Variants in PTPRN2 observed in about 807,000 individuals in gnomAD.
PTPRN2 encodes the protein receptor-type tyrosine-protein phosphatase N2.
In PTPRN2, 74 loss-of-function variants were observed where a neutral mutation model predicts 118.8. That is an observed-to-expected ratio of 0.62 (90% CI 0.52 to 0.76). PTPRN2 has a LOEUF of 0.76. Ranked by LOEUF, PTPRN2 falls within the 30% of genes least tolerant of loss-of-function variation. The pLI, the probability that PTPRN2 is intolerant of heterozygous loss-of-function variation, is 0.00. For missense variants in PTPRN2, 1,481 were observed against 1,394.4 expected (o/e 1.06, Z -0.99); for synonymous variants, 641 against 608.0 (o/e 1.05, Z -0.80).
chr7:157,996,505 C>G (rs1389173149), intron 11 of PTPRN2, among the ~76,000 whole-genome samples: 3 of 152,230 alleles, frequency 2.0e-5, no homozygotes, highest in Non-Finnish European at 4.4e-5. Flanking sequence ...GCTTTGGTCT[C>G]TCACACGGCT....
rs539654366 is a variant in PTPRN2, at chr7:158,003,247, T to C, written c.1723+78051A>G. On this transcript the variant is annotated intron_variant, in intron 11 of 22. Transcript: ENST00000389418. This position sits in a 1 kb window ranked among gnomAD's most constrained non-coding sequence, Gnocchi z 5.0. ...GGCTAACACGGTGAAACCCCGTTTC[T>C]ACTAAAAATACAAAAAATTAGCCGG... Among the ~76,000 whole-genome samples the C allele has an allele frequency of 2.0e-3, 299 of 151,672 alleles. No individual in the cohort carries two copies. Among genetic ancestry groups the C allele is most frequent in the Non-Finnish European group, 3.4e-3 (228 of 67,882 alleles).
Position 157,895,987 on chromosome 7 carries a change from G to A in PTPRN2, c.1788+2686C>T, listed in dbSNP as rs539276692. ...GGGGTAGCTCTGCAGAGTCAAGAAG[G>A]GGCCTGAGTGAAAGGGAGCACCAAG... is the stretch of plus-strand genomic sequence containing the variant. On this transcript the variant is annotated intron_variant, in intron 12 of 22. Transcript: ENST00000389418. 2.0e-5 allele frequency among the ~76,000 whole-genome samples: 3 copies of A among 152,184 alleles called. No homozygotes were observed. The East Asian group carries it at 5.8e-4, about 30-fold the overall frequency.
At chr7:158,071,451 G>GTGGTGGAGGTGCTCA (rs1811620898) in intron 11 of PTPRN2, among the ~76,000 whole-genome samples, 2 of 47,460 alleles carry the variant, frequency 4.2e-5, no homozygotes, top group East Asian at 6.3e-4. Context: ...GGAGGTGCTC[G>GTGGTGGAGGTGCTCA]TGGTTGAGGT....
At chr7:157,593,574 T>G (rs1801120360) in intron 17 of PTPRN2, among the ~76,000 whole-genome samples, 2 of 152,220 alleles carry the variant, frequency 1.3e-5, no homozygotes, top group South Asian at 2.1e-4. Context: ...CTGCCCGCCC[T>G]CCAATTCTGA....
intron 2 of PTPRN2, among the ~76,000 whole-genome samples, chr7:158,319,527 T>TCACACACACACCCTCCCTCA (rs137902491): frequency 2.9e-5 from 1 of 34,966 alleles, no homozygotes; most frequent in African/African-American, 1.3e-4. Flanking sequence ...ACAGCCTCCC[T>TCACACACACACCCTCCCTCA]CACACACACA....
chr7:157,559,028 C>G (rs991030178), intron 21 of PTPRN2, among the ~76,000 whole-genome samples: 1 of 152,242 alleles, frequency 6.6e-6, no homozygotes, highest in Admixed American at 6.5e-5. Flanking sequence ...TGACACTGCA[C>G]GGGATCGCTG....
intron 12 of PTPRN2, among the ~76,000 whole-genome samples, chr7:157,798,960 G>GA (rs1204813425): frequency 6.6e-6 from 1 of 152,182 alleles, no homozygotes; most frequent in Admixed American, 6.5e-5. Context: ...AGCAGGAGAG[G>GA]AGACCCCCGT....
chr7:158,324,147 A>T (rs1257821086), intron 2 of PTPRN2, among the ~76,000 whole-genome samples: 1 of 152,130 alleles, frequency 6.6e-6, no homozygotes, highest in East Asian at 1.9e-4. Flanking sequence ...CCACACGCGT[A>T]CGCTCACACA....
chr7:158,379,844 C>T (rs1041262456), intron 2 of PTPRN2, among the ~76,000 whole-genome samples: 4 of 152,174 alleles, frequency 2.6e-5, no homozygotes, highest in African/African-American at 9.7e-5. Flanking sequence ...AATGGACTCA[C>T]AATTCCACAT....
At position 157,764,335 on chromosome 7, in the gene PTPRN2, C is replaced by A. The variant is rs1206515571; in HGVS notation, c.1789-81398G>T. Among the ~76,000 whole-genome samples, 2 of 152,206 alleles carry A rather than the reference C, an allele frequency of 1.3e-5. No individual in the cohort carries two copies. Among genetic ancestry groups the A allele is most frequent in the Non-Finnish European group, 2.9e-5 (2 of 68,046 alleles). On this transcript the variant is annotated intron_variant, in intron 12 of 22. Transcript: ENST00000389418. The surrounding 1 kb of genome is among the most constrained non-coding windows in gnomAD (Gnocchi z 4.5). ...CAAGAGGTGAGGCCACCCAAGCGTC[C>A]ACCAATGGAAGAAAAGATAAACATC...
intron 2 of PTPRN2, among the ~76,000 whole-genome samples, chr7:158,474,869 G>A (rs1733128): frequency 0.7 from 106,003 of 152,066 alleles, 37,192 homozygotes; most frequent in Admixed American, 0.78. Context: ...GTGATGCCAC[G>A]GGGTGCCCTG....
chr7:157,832,406 C>T (rs995778193), intron 12 of PTPRN2, among the ~76,000 whole-genome samples: 12 of 152,156 alleles, frequency 7.9e-5, no homozygotes, highest in African/African-American at 2.9e-4. Context: ...AGACAGAATA[C>T]TTTTGTTTTT....
intron 1 of PTPRN2, among the ~76,000 whole-genome samples, chr7:158,576,952 G>A (rs935829781): frequency 9.3e-6 from 1 of 107,208 alleles, no homozygotes; most frequent in African/African-American, 4.2e-5. Context: ...ACACAACACT[G>A]AGGGCTGCGC....
At chr7:157,916,865 C>T (rs1334288838) in intron 11 of PTPRN2, among the ~76,000 whole-genome samples, 2 of 124,842 alleles carry the variant, frequency 1.6e-5, no homozygotes, top group Non-Finnish European at 3.4e-5. Context: ...ACGTCCAACA[C>T]ACATCTCCCT....
At chr7:158,345,727 A>G (rs1035111100) in intron 2 of PTPRN2, among the ~76,000 whole-genome samples, 1 of 152,254 alleles carries the variant, frequency 6.6e-6, no homozygotes, top group African/African-American at 2.4e-5. Context: ...ACACAGCTAT[A>G]AAGAACTACC....
intron 22 of PTPRN2, among the ~76,000 whole-genome samples, chr7:157,541,244 T>C (rs221255): frequency 0.48 from 72,609 of 152,170 alleles, 17,590 homozygotes; most frequent in South Asian, 0.65. Flanking sequence ...TGCTTGGGCG[T>C]TTCCTGTCCT....
chr7:158,538,310 C>T (rs1165265106), intron 1 of PTPRN2, among the ~76,000 whole-genome samples: 1 of 152,262 alleles, frequency 6.6e-6, no homozygotes, highest in African/African-American at 2.4e-5. Flanking sequence ...CTGGCGCACG[C>T]TGCGCTCCCT....
intron 12 of PTPRN2, among the ~76,000 whole-genome samples, chr7:157,840,789 CT>C (rs936719002): frequency 3.3e-5 from 5 of 152,242 alleles, no homozygotes; most frequent in Non-Finnish European, 7.3e-5. Context: ...CAGGTTGTTT[CT>C]TCCTGGTCTC....
At chr7:157,952,712 T>G (rs1019083602) in intron 11 of PTPRN2, among the ~76,000 whole-genome samples, 4 of 152,040 alleles carry the variant, frequency 2.6e-5, no homozygotes, top group Admixed American at 6.5e-5. Flanking sequence ...TCAGGCCTCT[T>G]GGTTCCCTCA....
Sources: allele counts gnomAD v4.1 joint callset (sites outside exome capture counted in the v4.1 genomes callset), GRCh38; gene constraint gnomAD v4.1.1; non-coding constraint Gnocchi (gnomAD v3.1); transcripts MANE v1.5; gene names NCBI Gene and HGNC (gene_info 2026-07-23, HGNC 2026-07-21).